Variants in RASGRP3 observed in about 807,000 individuals in gnomAD.
RASGRP3 encodes the protein RAS guanyl releasing protein 3.
In RASGRP3, 54 loss-of-function variants were observed where a neutral mutation model predicts 82.7. The observed-to-expected ratio is 0.65, with a 90% CI of 0.52 to 0.82. The LOEUF (loss-of-function observed/expected upper bound fraction) is 0.82, where lower values mean the gene tolerates loss of function less well. Ranked by LOEUF, RASGRP3 falls within the 40% of genes least tolerant of loss-of-function variation. RASGRP3 has a pLI of 0.00. For synonymous variants in RASGRP3, 309 were observed against 300.5 expected, an observed-to-expected ratio of 1.03 and a Z score of -0.29; for missense variants, 861 against 828.9, an observed-to-expected ratio of 1.04 and a Z score of -0.48.
At chr2:33,484,975 G>T (rs57647413) in intron 1 of RASGRP3, among the ~76,000 whole-genome samples, 22,611 of 152,086 alleles carry the variant, frequency 0.15, 1,957 homozygotes, top group African/African-American at 0.24. Flanking sequence ...GAGGCAGGTG[G>T]ATCACCTGAG....
chr2:33,541,849 CAAGA>C (rs1674309784), intron 12 of RASGRP3, among the ~76,000 whole-genome samples: 1 of 146,936 alleles, frequency 6.8e-6, no homozygotes, highest in Non-Finnish European at 1.5e-5. Context: ...GATGTCATGC[CAAGA>C]AAGGCCTTTT....
chr2:33,540,530 T>C (rs1674150060), intron 12 of RASGRP3, among the ~76,000 whole-genome samples: 1 of 98,036 alleles, frequency 1.0e-5, no homozygotes, highest in African/African-American at 3.8e-5. Context: ...AATTTCTCTC[T>C]CTCTCTCTCT....
At chr2:33,516,513 C>T (rs1466921830) in intron 3 of RASGRP3, 29 bp from the exon 4 acceptor site, 1 of 1,428,138 alleles carries the variant, frequency 7.0e-7, no homozygotes, top group East Asian at 2.4e-5. Context: ...ACTATTATCT[C>T]CTCACTTCTT....
chr2:33,529,424 G>A (rs1402853794), intron 10 of RASGRP3, among the ~76,000 whole-genome samples: 2 of 138,342 alleles, frequency 1.4e-5, no homozygotes, highest in Non-Finnish European at 3.0e-5. Context: ...GAATCCGGGA[G>A]GTGGAGCTTG....
chr2:33,457,423 G>A (rs902536928), intron 2 of RASGRP3, among the ~76,000 whole-genome samples: 4 of 152,034 alleles, frequency 2.6e-5, no homozygotes, highest in African/African-American at 9.7e-5. Context: ...TAAATGCATA[G>A]TGTTTTTTTC....
At chr2:33,548,845 C>T (rs1235468991) in intron 13 of RASGRP3, among the ~76,000 whole-genome samples, 1 of 152,078 alleles carries the variant, frequency 6.6e-6, no homozygotes, top group Non-Finnish European at 1.5e-5. Flanking sequence ...CACACCACCA[C>T]GTCCAGCTAA....
Position 33,558,236 on chromosome 2 carries a change from G to C in RASGRP3, c.1605G>C (p.Gln535His). 6.2e-7 allele frequency: 1 copy of C among 1,611,872 alleles called. No individual in the cohort carries two copies. The highest frequency in any genetic ancestry group is 1.7e-5 in the Admixed American group (1 of 59,666). The change falls in exon 16 of 18, where the codon CAG (glutamine) becomes CAC (histidine). Residue 535 changes from glutamine to histidine, a missense_variant. Transcript: ENST00000403687. ...ACTGTGGAGCCAATTGTCACAAACA[G>C]TGCAAAGACCTCCTGGTTCTGGCCT... ...CKDCGANCHK[Q>H]CKDLLVLACR...
In RASGRP3 at chr2:33,544,520, GA is replaced by G. The variant is rs35492768; in HGVS notation, c.1394+903del. Among the ~76,000 whole-genome samples, 5 of 149,098 alleles carry G rather than the reference GA, an allele frequency of 3.4e-5. 1 individual carries two copies. Among genetic ancestry groups the G allele is most frequent in the South Asian group, 4.2e-4 (2 of 4,734 alleles). ...ACTCATTAAAAGAAAATAATGATCT[GA>G]AAAAAAAAACTGCTGAGAAATCCTG... On this transcript the variant is annotated intron_variant, in intron 13 of 17. Transcript: ENST00000403687.
chr2:33,543,207 GTC>G (rs977043863), intron 12 of RASGRP3, among the ~76,000 whole-genome samples: 2 of 152,024 alleles, frequency 1.3e-5, no homozygotes, highest in Non-Finnish European at 2.9e-5. Context: ...TAGCAATGAG[GTC>G]TCTCTATATT....
At chr2:33,461,634 T>C (rs1666372813) in intron 2 of RASGRP3, among the ~76,000 whole-genome samples, 2 of 152,216 alleles carry the variant, frequency 1.3e-5, no homozygotes, top group African/African-American at 4.8e-5. Context: ...TGCCTTATGA[T>C]CTACAAATAA....
chr2:33,442,944 C>G (rs977429543), intron 1 of RASGRP3, among the ~76,000 whole-genome samples: 8 of 150,948 alleles, frequency 5.3e-5, no homozygotes, highest in African/African-American at 2.0e-4. Context: ...GCAATGACTT[C>G]CAATGTGTTT....
intron 17 of RASGRP3, 127 bp from the exon 18 acceptor site, chr2:33,562,602 C>T (rs1054449610): frequency 2.9e-6 from 3 of 1,048,302 alleles, no homozygotes; most frequent in African/African-American, 3.2e-5. Context: ...CCACTAAATC[C>T]TGAGACTACA....
chr2:33,561,597 G>A (rs1005411667), intron 17 of RASGRP3, among the ~76,000 whole-genome samples: 4 of 152,068 alleles, frequency 2.6e-5, no homozygotes, highest in Admixed American at 2.6e-4. Context: ...GTAGACAAAG[G>A]AGTTTGCAAA....
chr2:33,518,791 G>A (rs939994417), intron 4 of RASGRP3, among the ~76,000 whole-genome samples: 1 of 151,816 alleles, frequency 6.6e-6, no homozygotes, highest in Non-Finnish European at 1.5e-5. Context: ...GGTTTACACA[G>A]GCTCAGGATC....
chr2:33,451,028 A>G (rs994471185), intron 2 of RASGRP3, among the ~76,000 whole-genome samples: 2 of 149,732 alleles, frequency 1.3e-5, no homozygotes, highest in Non-Finnish European at 3.0e-5. Flanking sequence ...TTTTTAGTAG[A>G]GACAGGGCTT....
Position 33,511,731 on chromosome 2 carries a change from T to C in RASGRP3, c.-239T>C, listed in dbSNP as rs1027893595. The C allele has an allele frequency of 5.9e-5, 9 of 152,650 alleles. No homozygotes were observed. The highest frequency in any genetic ancestry group is 2.2e-4 in the African/African-American group (9 of 41,452). The allele number at this position is 152,650 out of a possible 1,614,324, so 9.5% of individuals were successfully genotyped here. A position where few individuals can be genotyped will look rare whatever the true frequency, so the allele number is the denominator to read the frequency against. On this transcript the variant is annotated 5_prime_UTR_variant, in exon 2 of 18. Coordinates refer to ENST00000403687, the MANE Select transcript of RASGRP3 (RefSeq NM_001139488.2). ...TCAGGTTCTCCAAAATACTTATCAT[T>C]CAGGTTGAATAAACCAGTTCTACAG... is the stretch of plus-strand genomic sequence containing the variant.
At chr2:33,455,321 A>G (rs1665983716) in intron 2 of RASGRP3, among the ~76,000 whole-genome samples, 1 of 152,182 alleles carries the variant, frequency 6.6e-6, no homozygotes. Flanking sequence ...CATAGTAGTA[A>G]TGTTCTGGAC....
intron 1 of RASGRP3, among the ~76,000 whole-genome samples, chr2:33,509,023 A>C (rs1273236404): frequency 6.6e-6 from 1 of 152,180 alleles, no homozygotes; most frequent in African/African-American, 2.4e-5. Flanking sequence ...GTGTCCTCAC[A>C]AGGGCACAGA....
intron 2 of RASGRP3, chr2:33,514,133 C>T (rs564640328): frequency 1.2e-4 from 19 of 152,200 alleles, no homozygotes; most frequent in Non-Finnish European, 2.2e-4. Flanking sequence ...GCAAAGCATT[C>T]GGAATGGTGC....
Sources: allele counts gnomAD v4.1 joint callset (sites outside exome capture counted in the v4.1 genomes callset), GRCh38; gene constraint gnomAD v4.1.1; transcripts MANE v1.5; gene names NCBI Gene and HGNC (gene_info 2026-07-23, HGNC 2026-07-21).